FAM241A: variants seen among roughly 807,000 people sequenced by gnomAD.
FAM241A encodes the protein family with sequence similarity 241 member A.
In FAM241A, 7 loss-of-function variants were observed where a neutral mutation model predicts 12.2. The ratio of observed to expected loss-of-function variants is 0.58; its 90% CI spans 0.33 to 1.08. The LOEUF is 1.08. FAM241A is among the 50% of genes least tolerant of loss of function. The probability of loss-of-function intolerance (pLI) is 0.04; values close to 1 mark genes in which losing one functional copy is unlikely to be tolerated. For missense variants in FAM241A, 161 were observed against 169.7 expected (o/e 0.95, Z 0.29); for synonymous variants, 74 against 68.2 (o/e 1.08, Z -0.42).
At chr4:112,161,189 A>C (rs1393648623) in intron 1 of FAM241A, among the ~76,000 whole-genome samples, 1 of 152,234 alleles carries the variant, frequency 6.6e-6, no homozygotes. Flanking sequence ...TATAGCACTA[A>C]ATGCCCATAA....
chr4:112,157,838 C>T (rs533525400), intron 1 of FAM241A, among the ~76,000 whole-genome samples: 40 of 152,200 alleles, frequency 2.6e-4, no homozygotes, highest in Admixed American at 1.7e-3. Context: ...TTGTTCATGT[C>T]ATCCTAGCAT....
At chr4:112,157,749 T>A (rs991274553) in intron 1 of FAM241A, among the ~76,000 whole-genome samples, 3 of 152,088 alleles carry the variant, frequency 2.0e-5, no homozygotes, top group Non-Finnish European at 4.4e-5. Context: ...TTCCAAAAAA[T>A]TTTGGTGAGA....
intron 1 of FAM241A, among the ~76,000 whole-genome samples, chr4:112,160,202 T>C (rs139590858): frequency 0.03 from 4,500 of 151,164 alleles, 178 homozygotes; most frequent in East Asian, 0.16. Flanking sequence ...AGGTCAGGAG[T>C]TCAAGACCAG....
At chr4:112,162,439 G>A (rs1022218145) in intron 1 of FAM241A, among the ~76,000 whole-genome samples, 4 of 152,208 alleles carry the variant, frequency 2.6e-5, no homozygotes, top group African/African-American at 9.6e-5. Context: ...ATCTCCTTAA[G>A]CTGATAAGCA....
intron 1 of FAM241A, among the ~76,000 whole-genome samples, chr4:112,180,056 C>T (rs573786422): frequency 5.3e-5 from 8 of 150,222 alleles, no homozygotes; most frequent in Non-Finnish European, 1.0e-4. Context: ...TAGCAGTCAA[C>T]ATGAATACAG....
At chr4:112,167,182 A>G (rs1021287997) in intron 1 of FAM241A, among the ~76,000 whole-genome samples, 3 of 151,984 alleles carry the variant, frequency 2.0e-5, no homozygotes, top group Admixed American at 2.0e-4. Flanking sequence ...GTATGACTTA[A>G]AAATTGAATC....
At chr4:112,171,702 A>G (rs1194158852) in intron 1 of FAM241A, among the ~76,000 whole-genome samples, 1 of 152,068 alleles carries the variant, frequency 6.6e-6, no homozygotes, top group Non-Finnish European at 1.5e-5. Context: ...TACTAAAAAT[A>G]TAAAAAATTA....
At chr4:112,149,699 A>T (rs1465639412) in intron 1 of FAM241A, among the ~76,000 whole-genome samples, 4 of 152,198 alleles carry the variant, frequency 2.6e-5, no homozygotes, top group Admixed American at 1.3e-4. Context: ...TGAACAATAT[A>T]GTTTATAATC....
intron 1 of FAM241A, chr4:112,171,423 G>C: frequency 2.6e-6 from 2 of 771,528 alleles, no homozygotes; most frequent in Non-Finnish European, 4.7e-6. Context: ...TAAGGCTTGA[G>C]TGTGTTGAGC....
chr4:112,179,943 A>ATATATATATATATATATATATTTATATG (rs1553921438), intron 1 of FAM241A, among the ~76,000 whole-genome samples: 1 of 129,514 alleles, frequency 7.7e-6, no homozygotes, highest in African/African-American at 2.9e-5. Flanking sequence ...ATATATGTAT[A>ATATATATATATATATATATATTTATATG]TGTGTGTGTG....
intron 1 of FAM241A, among the ~76,000 whole-genome samples, chr4:112,163,537 A>G (rs1004411412): frequency 1.3e-5 from 2 of 152,188 alleles, no homozygotes; most frequent in African/African-American, 4.8e-5. Flanking sequence ...AGACATTTAT[A>G]CAGCCAAAAG....
chr4:112,192,512 A>T lies in FAM241A; in HGVS notation c.*5574A>T, dbSNP rs1413710385. On this transcript the variant is annotated 3_prime_UTR_variant, in exon 2 of 2. Coordinates refer to ENST00000309733, the MANE Select transcript of FAM241A (RefSeq NM_152400.3). ...CCCTCTCCCCTCCCCCCACCCCACA[A>T]CAGTCCCCAGAGTGTGATGTTCCCC... 9.2e-6 allele frequency: 1 copy of T among 108,282 alleles called. No individual in the cohort carries two copies. Among genetic ancestry groups the T allele is most frequent in the Non-Finnish European group, 1.8e-5 (1 of 54,356 alleles). The allele number at this position is 108,282 out of a possible 1,614,324, so 6.7% of individuals were successfully genotyped here.
intron 1 of FAM241A, among the ~76,000 whole-genome samples, chr4:112,153,005 G>GT (rs1723275338): frequency 6.6e-6 from 1 of 151,686 alleles, no homozygotes; most frequent in African/African-American, 2.4e-5. Context: ...TTTTTCTCTG[G>GT]TTTTCCTCCC....
At chr4:112,162,120 T>TAAA (rs1374054213) in intron 1 of FAM241A, among the ~76,000 whole-genome samples, 1 of 152,210 alleles carries the variant, frequency 6.6e-6, no homozygotes, top group East Asian at 1.9e-4. Flanking sequence ...CCCTTCATGC[T>TAAA]AAAAACTCTT....
intron 1 of FAM241A, among the ~76,000 whole-genome samples, chr4:112,153,976 A>AAT (rs1409002236): frequency 2.2e-4 from 34 of 152,114 alleles, no homozygotes; most frequent in Non-Finnish European, 2.9e-5. Context: ...CTTCCAATTA[A>AAT]TCCAAAATAA....
At chr4:112,177,774 G>T (rs975430610) in intron 1 of FAM241A, among the ~76,000 whole-genome samples, 46 of 152,194 alleles carry the variant, frequency 3.0e-4, no homozygotes, top group African/African-American at 1.1e-3. Flanking sequence ...AACGCAGTGG[G>T]TTAGGAATTA....
chr4:112,151,794 G>T (rs1235740414), intron 1 of FAM241A, among the ~76,000 whole-genome samples: 3 of 152,108 alleles, frequency 2.0e-5, no homozygotes, highest in Admixed American at 6.5e-5. Context: ...TTTGCTGTAG[G>T]TCCTACAGCT....
At chr4:112,171,384 T>C (rs4541590) in intron 1 of FAM241A, 373,157 of 764,966 alleles carry the variant, frequency 0.49, 94,089 homozygotes, top group African/African-American at 0.7. Context: ...GCCAATTTTC[T>C]GGAAATAAAA....
chr4:112,192,311 T>A lies in FAM241A; in HGVS notation c.*5373T>A, dbSNP rs1358731881. ...TGTTCAGTATTTTTTAATAGACCTT[T>A]ATTTACTACATTTTAATTTTTTAAT... On this transcript the variant is annotated 3_prime_UTR_variant, in exon 2 of 2. Transcript: ENST00000309733. The A allele has an allele frequency of 6.6e-6, 1 of 152,126 alleles. No individual in the cohort carries two copies. Among genetic ancestry groups the A allele is most frequent in the Non-Finnish European group, 1.5e-5 (1 of 68,014 alleles). 9.4% of individuals were successfully genotyped at this position (152,126 alleles called of 1,614,324 possible).
Sources: gnomAD v4.1 joint callset for allele counts (sites outside exome capture counted in the v4.1 genomes callset) on GRCh38, gnomAD v4.1.1 for gene constraint, MANE v1.5 for transcripts, NCBI Gene and HGNC (gene_info 2026-07-23, HGNC 2026-07-21) for gene names.